Variants in EPB41L3 observed in about 807,000 individuals in gnomAD.
EPB41L3 encodes the protein erythrocyte membrane protein band 4.1 like 3.
Under a neutral mutation model 127.1 loss-of-function variants are expected in EPB41L3, and 57 were observed. The observed-to-expected ratio is 0.45, with a 90% confidence interval of 0.36 to 0.56. The LOEUF (loss-of-function observed/expected upper bound fraction) is 0.56. EPB41L3 is among the 20% of genes least tolerant of loss of function. EPB41L3 has a pLI of 0.00. For synonymous variants in EPB41L3, 572 were observed against 549.5 expected, an observed-to-expected ratio of 1.04 and a Z score of -0.57; for missense variants, 1,273 against 1,372.2, an observed-to-expected ratio of 0.93 and a Z score of 1.14.
intron 3 of EPB41L3, among the ~76,000 whole-genome samples, chr18:5,575,831 C>T (rs939586131): frequency 6.6e-6 from 1 of 151,698 alleles, no homozygotes; most frequent in African/African-American, 2.4e-5. Flanking sequence ...AGTGAGACTC[C>T]GTCTCAAAAA....
intron 3 of EPB41L3, among the ~76,000 whole-genome samples, chr18:5,460,705 C>T (rs533092759): frequency 6.6e-6 from 1 of 152,156 alleles, no homozygotes; most frequent in East Asian, 1.9e-4. Flanking sequence ...TAATCTTAAA[C>T]TGGCCCTGGA....
At chr18:5,599,228 C>T (rs1320528709) in intron 3 of EPB41L3, among the ~76,000 whole-genome samples, 1 of 152,176 alleles carries the variant, frequency 6.6e-6, no homozygotes, top group African/African-American at 2.4e-5. Context: ...GTATGCCCAA[C>T]ACCTGTCCTG....
At chr18:5,437,427 T>C (rs566537485) in intron 6 of EPB41L3, among the ~76,000 whole-genome samples, 2 of 152,326 alleles carry the variant, frequency 1.3e-5, no homozygotes, top group East Asian at 1.9e-4. Flanking sequence ...TGTTTATCAA[T>C]CAACCACCCA....
At chr18:5,511,763 G>T (rs1193166300) in intron 1 of EPB41L3, among the ~76,000 whole-genome samples, 2 of 151,920 alleles carry the variant, frequency 1.3e-5, no homozygotes, top group Non-Finnish European at 2.9e-5. Context: ...AGACAGAGAG[G>T]TGATCCCCAG....
At chr18:5,570,560 ATTCTTT>A (rs1310324498) in intron 3 of EPB41L3, among the ~76,000 whole-genome samples, 2 of 152,118 alleles carry the variant, frequency 1.3e-5, no homozygotes, top group Non-Finnish European at 2.9e-5. Flanking sequence ...AATACAGCCC[ATTCTTT>A]TTCTTTTTCT....
intron 3 of EPB41L3, among the ~76,000 whole-genome samples, chr18:5,552,386 G>A (rs913449486): frequency 5.9e-5 from 9 of 152,192 alleles, no homozygotes; most frequent in Non-Finnish European, 4.4e-5. Context: ...ATCATTTGTG[G>A]TTTTATTCCA....
At chr18:5,502,030 CCCTCCTG>C (rs149341118) in intron 1 of EPB41L3, among the ~76,000 whole-genome samples, 25,891 of 151,676 alleles carry the variant, frequency 0.17, 2,322 homozygotes, top group African/African-American at 0.22. Context: ...TCGCCATCTT[CCCTCCTG>C]CCTCCTGCCT....
chr18:5,496,198 GA>G, intron 1 of EPB41L3, among the ~76,000 whole-genome samples: 1 of 152,330 alleles, frequency 6.6e-6, no homozygotes, highest in South Asian at 2.1e-4. Flanking sequence ...TGCGTGAGCA[GA>G]AAAATCAACA....
chr18:5,606,408 T>G (rs1037840383), intron 3 of EPB41L3, among the ~76,000 whole-genome samples: 6 of 152,162 alleles, frequency 3.9e-5, no homozygotes, highest in African/African-American at 1.4e-4. Flanking sequence ...AAAAAAAGAA[T>G]CATTCTTTTT....
chr18:5,567,852 G>C (rs1206280970), intron 3 of EPB41L3, among the ~76,000 whole-genome samples: 1 of 152,118 alleles, frequency 6.6e-6, no homozygotes, highest in Non-Finnish European at 1.5e-5. Context: ...ATGTCTAAGT[G>C]TGTACTTCTA....
intron 3 of EPB41L3, among the ~76,000 whole-genome samples, chr18:5,473,739 C>T (rs2086606388): frequency 1.3e-5 from 2 of 152,076 alleles, no homozygotes; most frequent in Non-Finnish European, 2.9e-5. Context: ...GCATCAACAA[C>T]AATAACAAAC....
intron 1 of EPB41L3, among the ~76,000 whole-genome samples, chr18:5,505,663 A>C (rs1598414623): frequency 9.1e-6 from 1 of 110,068 alleles, no homozygotes; most frequent in Admixed American, 9.9e-5. Context: ...CCACACCTTC[A>C]CCTCCACCCC....
rs2072643419 is a variant in EPB41L3, at chr18:5,392,933, G to A, written c.*552C>T. ...GAGTCATTACTGTTTATGGGTGAGAGTAATAAAACCAGATGAAACAAGTAC... is the reference window on the plus strand; with the variant it reads ...GAGTCATTACTGTTTATGGGTGAGAATAATAAAACCAGATGAAACAAGTAC... On this transcript the variant is annotated 3_prime_UTR_variant, in exon 23 of 23. Coordinates refer to ENST00000341928, the MANE Select transcript of EPB41L3 (RefSeq NM_012307.5). 6.5e-6 allele frequency: 1 copy of A among 152,742 alleles called. No individual in the cohort carries two copies. The highest frequency in any genetic ancestry group is 1.5e-5 in the Non-Finnish European group (1 of 68,142). The allele number at this position is 152,742 out of a possible 1,614,324, so 9.5% of individuals were successfully genotyped here.
intron 3 of EPB41L3, among the ~76,000 whole-genome samples, chr18:5,460,570 G>T (rs950572523): frequency 4.6e-5 from 7 of 152,184 alleles, no homozygotes; most frequent in Admixed American, 2.0e-4. Context: ...ATCTCAAACT[G>T]ATGAATCATT....
At chr18:5,556,441 G>A (rs369971067) in intron 3 of EPB41L3, among the ~76,000 whole-genome samples, 6 of 152,158 alleles carry the variant, frequency 3.9e-5, no homozygotes, top group African/African-American at 1.2e-4. Flanking sequence ...TTTCCCTAGC[G>A]GTGCTGCTGG....
chr18:5,588,531 A>ATG (rs1473033284), intron 3 of EPB41L3, among the ~76,000 whole-genome samples: 4 of 125,056 alleles, frequency 3.2e-5, no homozygotes, highest in South Asian at 5.0e-4. Flanking sequence ...GTATGTAAAT[A>ATG]TGTGTATATA....
intron 5 of EPB41L3, among the ~76,000 whole-genome samples, chr18:5,440,048 A>G (rs994963805): frequency 6.6e-6 from 1 of 152,228 alleles, no homozygotes; most frequent in Non-Finnish European, 1.5e-5. Flanking sequence ...CTAGGAAAGC[A>G]AGTTTCAACC....
At chr18:5,453,577 C>A (rs541875466) in intron 3 of EPB41L3, among the ~76,000 whole-genome samples, 3 of 152,304 alleles carry the variant, frequency 2.0e-5, no homozygotes, top group African/African-American at 7.2e-5. Flanking sequence ...TTGAAAATTT[C>A]CAGCAAAACT....
intron 3 of EPB41L3, among the ~76,000 whole-genome samples, chr18:5,585,310 GT>G (rs1363459541): frequency 6.6e-6 from 1 of 151,950 alleles, no homozygotes; most frequent in Non-Finnish European, 1.5e-5. Flanking sequence ...AATATTTATG[GT>G]TTTTTTGGTT....
Sources: gnomAD v4.1 joint callset for allele counts (sites outside exome capture counted in the v4.1 genomes callset) on GRCh38, gnomAD v4.1.1 for gene constraint, MANE v1.5 for transcripts, NCBI Gene and HGNC (gene_info 2026-07-23, HGNC 2026-07-21) for gene names.